The following ACACB variants were observed in gnomAD, a reference collection of about 807,000 sequenced individuals.
ACACB encodes the protein acetyl-CoA carboxylase beta.
ACACB carries 209 observed loss-of-function variants against 278.8 expected under a neutral mutation model. The ratio of observed to expected loss-of-function variants is 0.75; its 90% confidence interval spans 0.67 to 0.84. The LOEUF (loss-of-function observed/expected upper bound fraction) is 0.84. Among genes scored for constraint, ACACB ranks in the 40% least tolerant of loss-of-function variants. The pLI is 0.00. For synonymous variants in ACACB, 1,174 were observed against 1,285.6 expected (o/e 0.91, Z 1.86); for missense variants, 2,850 against 3,269.0 (o/e 0.87, Z 3.13).
At chr12:109,210,894 AAAAG>A (rs1251641350) in intron 21 of ACACB, among the ~76,000 whole-genome samples, 1 of 152,074 alleles carries the variant, frequency 6.6e-6, no homozygotes, top group Non-Finnish European at 1.5e-5. Flanking sequence ...AGAAAAAAAA[AAAAG>A]AATGTACTGA....
At chr12:109,204,728 C>T (rs1052756289) in intron 19 of ACACB, among the ~76,000 whole-genome samples, 1 of 152,206 alleles carries the variant, frequency 6.6e-6, no homozygotes, top group African/African-American at 2.4e-5. Flanking sequence ...TCAGCTCCCA[C>T]ATATGAGTGA....
At chr12:109,136,543 A>C (rs934932694) in intron 1 of ACACB, among the ~76,000 whole-genome samples, 5 of 152,228 alleles carry the variant, frequency 3.3e-5, no homozygotes, top group African/African-American at 1.2e-4. Flanking sequence ...ATAATAGAAA[A>C]AGGAAACATT....
chr12:109,235,887 T>C, intron 33 of ACACB: 1 of 455,314 alleles, frequency 2.2e-6, no homozygotes, highest in South Asian at 3.2e-5. Context: ...TGGTCCCAGC[T>C]ACTTGGGAGG....
chr12:109,246,095 AAAAT>A, intron 38 of ACACB, 80 bp from the exon 39 acceptor site: 1 of 1,445,444 alleles, frequency 6.9e-7, no homozygotes, highest in African/African-American at 1.4e-5. Context: ...GTATCTAAAA[AAAAT>A]AATAATAACT....
chr12:109,116,963 G>A (rs995252814), intron 1 of ACACB, among the ~76,000 whole-genome samples: 2 of 150,602 alleles, frequency 1.3e-5, no homozygotes, highest in Non-Finnish European at 3.0e-5. Flanking sequence ...GTTCCACAAC[G>A]TTTTATAAAC....
chr12:109,206,497 G>A (rs1338790597), intron 19 of ACACB, among the ~76,000 whole-genome samples: 1 of 151,102 alleles, frequency 6.6e-6, no homozygotes, highest in African/African-American at 2.5e-5. Context: ...CTGTGTACTG[G>A]GCCATTTGCA....
At chr12:109,240,015 G>A in intron 35 of ACACB, 30 bp downstream of exon 35, 10 of 1,606,134 alleles carry the variant, frequency 6.2e-6, no homozygotes, top group Non-Finnish European at 8.5e-6. Flanking sequence ...GCTCTCACCG[G>A]GCTCTGGGTT....
chr12:109,206,623 C>A, intron 19 of ACACB, 87 bp from the exon 20 acceptor site: 1 of 1,487,932 alleles, frequency 6.7e-7, no homozygotes, highest in Non-Finnish European at 9.2e-7. Flanking sequence ...CGGAAGCCGG[C>A]AGATCTGTCC....
At chr12:109,165,767 T>C (rs1254318742) in intron 2 of ACACB, among the ~76,000 whole-genome samples, 1 of 152,066 alleles carries the variant, frequency 6.6e-6, no homozygotes. Context: ...GGGGAGCCGA[T>C]GGGGTGGCCT....
At chr12:109,151,173 C>T (rs887427716) in intron 2 of ACACB, among the ~76,000 whole-genome samples, 1 of 151,942 alleles carries the variant, frequency 6.6e-6, no homozygotes, top group East Asian at 1.9e-4. Context: ...TTAATAGAGA[C>T]AGGGTTTCAC....
chr12:109,253,762 C>T (rs1427637800), intron 43 of ACACB, among the ~76,000 whole-genome samples: 2 of 152,196 alleles, frequency 1.3e-5, no homozygotes, highest in South Asian at 2.1e-4. Flanking sequence ...GTTGGGTTTA[C>T]AGAGTTCAGG....
chr12:109,262,950 T>TTTTATATATATATATATATA (rs1346750205), intron 49 of ACACB: 989 of 62,460 alleles, frequency 0.016, 103 homozygotes, highest in Non-Finnish European at 0.029. Flanking sequence ...CTTTTTAACA[T>TTTTATATATATATATATATA]TATATATATA....
intron 12 of ACACB, among the ~76,000 whole-genome samples, chr12:109,187,580 C>T (rs1475305254): frequency 6.6e-6 from 1 of 151,824 alleles, no homozygotes; most frequent in African/African-American, 2.4e-5. Flanking sequence ...CTGCCTCAGC[C>T]CCACAAGTAG....
intron 34 of ACACB, 133 bp from the exon 35 acceptor site, chr12:109,239,697 C>A: frequency 9.2e-7 from 1 of 1,085,848 alleles, no homozygotes; most frequent in Non-Finnish European, 1.3e-6. Flanking sequence ...CTCTGCTGTT[C>A]TTGCCTGGCA....
At chr12:109,225,064 C>G (rs2046277008) in intron 27 of ACACB, among the ~76,000 whole-genome samples, 1 of 152,184 alleles carries the variant, frequency 6.6e-6, no homozygotes, top group African/African-American at 2.4e-5. Flanking sequence ...ACTTTTATTC[C>G]TCTATGGGTT....
At chr12:109,115,155 C>T (rs1371895552), upstream of ACACB, among the ~76,000 whole-genome samples, 2 of 152,130 alleles carry the variant, frequency 1.3e-5, no homozygotes, top group Non-Finnish European at 2.9e-5. Context: ...CATGAGCAAG[C>T]CCCTGTGCCA....
chr12:109,252,663 A>G (rs929938103), intron 42 of ACACB: 8 of 186,560 alleles, frequency 4.3e-5, no homozygotes, highest in Non-Finnish European at 7.7e-5. Context: ...TCAGATGGGA[A>G]CTTGTCAGAA....
At chr12:109,173,726 A>T (rs975050275) in intron 6 of ACACB, among the ~76,000 whole-genome samples, 1 of 152,220 alleles carries the variant, frequency 6.6e-6, no homozygotes, top group African/African-American at 2.4e-5. Flanking sequence ...AGTCATTGTG[A>T]CAGAGACCTG....
intron 44 of ACACB, 62 bp downstream of exon 44, chr12:109,254,396 A>G: frequency 6.7e-7 from 1 of 1,501,064 alleles, no homozygotes; most frequent in Admixed American, 2.3e-5. Flanking sequence ...GCTTGAGACA[A>G]AGGAGCACTT....
Sources: allele counts gnomAD v4.1 joint callset (sites outside exome capture counted in the v4.1 genomes callset), GRCh38; gene constraint gnomAD v4.1.1; transcripts MANE v1.5; gene names NCBI Gene and HGNC (gene_info 2026-07-23, HGNC 2026-07-21).